SYNJ2BP: variants seen among roughly 807,000 people sequenced by gnomAD.
SYNJ2BP encodes synaptojanin-2-binding protein.
Under a neutral mutation model 16.9 loss-of-function variants are expected in SYNJ2BP, and 10 were observed. The ratio of observed to expected loss-of-function variants is 0.59; its 90% CI spans 0.36 to 1.00. The LOEUF is 1.00. Among genes scored for constraint, SYNJ2BP ranks in the 50% least tolerant of loss-of-function variants. The pLI, the probability that SYNJ2BP is intolerant of heterozygous loss-of-function variation, is 0.01. For synonymous variants in SYNJ2BP, 54 were observed against 68.4 expected (o/e 0.79, Z 1.04); for missense variants, 162 against 186.7 (o/e 0.87, Z 0.77).
At chr14:70,411,774 C>G (rs932012927) in intron 1 of SYNJ2BP, among the ~76,000 whole-genome samples, 1 of 152,224 alleles carries the variant, frequency 6.6e-6, no homozygotes, top group Non-Finnish European at 1.5e-5. Flanking sequence ...AACACAGGGT[C>G]AGATTACCAT....
At chr14:70,384,016 G>A (rs1887806389) in intron 2 of SYNJ2BP, among the ~76,000 whole-genome samples, 1 of 150,918 alleles carries the variant, frequency 6.6e-6, no homozygotes, top group South Asian at 2.1e-4. Flanking sequence ...GGAGTGCAGT[G>A]GCGCGATCTC....
chr14:70,377,257 A>C (rs891935312), intron 2 of SYNJ2BP, among the ~76,000 whole-genome samples: 3 of 152,158 alleles, frequency 2.0e-5, no homozygotes, highest in African/African-American at 7.2e-5. Flanking sequence ...GCACTTGGTA[A>C]ATCATTAGAA....
chr14:70,399,639 CCAGT>C (rs1183895584), intron 1 of SYNJ2BP, among the ~76,000 whole-genome samples: 2 of 152,200 alleles, frequency 1.3e-5, no homozygotes, highest in African/African-American at 4.8e-5. Context: ...CCCGCTGCAG[CCAGT>C]GTGATGGCAC....
intron 2 of SYNJ2BP, among the ~76,000 whole-genome samples, chr14:70,379,281 C>T (rs1887697645): frequency 6.6e-6 from 1 of 152,142 alleles, no homozygotes; most frequent in Non-Finnish European, 1.5e-5. Flanking sequence ...AAAACAAAAA[C>T]AAAACTGGGG....
intron 2 of SYNJ2BP, among the ~76,000 whole-genome samples, chr14:70,386,964 C>T (rs978205771): frequency 3.3e-5 from 5 of 152,214 alleles, no homozygotes; most frequent in African/African-American, 7.2e-5. Flanking sequence ...GTTTTCCCAA[C>T]GTGGCCATCT....
At chr14:70,375,442 C>T (rs999340578) in intron 3 of SYNJ2BP, among the ~76,000 whole-genome samples, 5 of 151,482 alleles carry the variant, frequency 3.3e-5, no homozygotes, top group Admixed American at 6.6e-5. Context: ...TGAAGTGATC[C>T]GCCCACCTTG....
At chr14:70,397,567 G>A (rs1442130462) in intron 1 of SYNJ2BP, among the ~76,000 whole-genome samples, 3 of 152,204 alleles carry the variant, frequency 2.0e-5, no homozygotes, top group Non-Finnish European at 4.4e-5. Context: ...CAAGGCTACA[G>A]CTGGACCAGG....
intron 1 of SYNJ2BP, among the ~76,000 whole-genome samples, chr14:70,390,849 C>T (rs1488938509): frequency 6.6e-6 from 1 of 151,592 alleles, no homozygotes; most frequent in Admixed American, 6.6e-5. Context: ...AAAAGCATAC[C>T]TTAGCCAGGC....
At chr14:70,400,287 A>G (rs1453062878) in intron 1 of SYNJ2BP, among the ~76,000 whole-genome samples, 5 of 152,250 alleles carry the variant, frequency 3.3e-5, no homozygotes, top group African/African-American at 1.2e-4. Context: ...TGTGGATTAC[A>G]ATAACCCAAT....
intron 1 of SYNJ2BP, among the ~76,000 whole-genome samples, chr14:70,413,556 T>C (rs150274032): frequency 2.2e-4 from 33 of 152,350 alleles, no homozygotes; most frequent in African/African-American, 7.0e-4. Context: ...GGTGAATTGC[T>C]TGAACCTGGG....
chr14:70,384,975 CCT>C (rs1887828990), intron 2 of SYNJ2BP, among the ~76,000 whole-genome samples: 2 of 152,234 alleles, frequency 1.3e-5, no homozygotes, highest in Admixed American at 6.5e-5. Context: ...TGGCTTTTCC[CCT>C]CTCTTCTTTG....
Position 70,377,712 on chromosome 14 carries a change from C to T in SYNJ2BP, c.202-1941G>A, listed in dbSNP as rs913599793. Among the ~76,000 whole-genome samples, 7 of 79,960 alleles carry T rather than the reference C, an allele frequency of 8.8e-5. No individual in the cohort carries two copies. In the South Asian group the frequency reaches 2.1e-3, roughly 24 times the overall value. The allele number at this position is 79,960 out of a possible 152,430, so 52.5% of individuals were successfully genotyped here. Reference sequence around the variant, plus strand: ...ATGATCTTGATCATACTTCTTCTAACCTCCTTACAAAACTCACAGACACTC... The same window carrying T: ...ATGATCTTGATCATACTTCTTCTAATCTCCTTACAAAACTCACAGACACTC... On this transcript the variant is annotated intron_variant, in intron 2 of 3. Coordinates refer to ENST00000256366, the MANE Select transcript of SYNJ2BP (RefSeq NM_018373.3).
Position 70,368,397 on chromosome 14 carries a change from T to C in SYNJ2BP, c.*4594A>G, listed in dbSNP as rs1313966950. The C allele has an allele frequency of 6.6e-6, 1 of 152,244 alleles. No individual in the cohort carries two copies. Among genetic ancestry groups the C allele is most frequent in the Admixed American group, 6.5e-5 (1 of 15,288 alleles). 9.4% of individuals were successfully genotyped at this position (152,244 alleles called of 1,614,324 possible). A position where few individuals can be genotyped will look rare whatever the true frequency, so the allele number is the denominator to read the frequency against. On this transcript the variant is annotated 3_prime_UTR_variant, in exon 4 of 4. Coordinates refer to ENST00000256366, the MANE Select transcript of SYNJ2BP (RefSeq NM_018373.3). ...AGTGAATATATTCAAGACATAAATA[T>C]GAGACAGAAAGGTCACTTCTGCAAC...
At position 70,386,457 on chromosome 14, in the gene SYNJ2BP, C is replaced by T. The variant is rs886212970; in HGVS notation, c.201+2013G>A. 1.5e-4 allele frequency among the ~76,000 whole-genome samples: 23 copies of T among 152,228 alleles called. 1 individual carries two copies. The East Asian group carries it at 4.1e-3, about 27-fold the overall frequency. Reference sequence around the variant, plus strand: ...ATACTATATTTATATTATGGATCAGCGAGGACACATGCTTAGACATTCTTG... The same window carrying T: ...ATACTATATTTATATTATGGATCAGTGAGGACACATGCTTAGACATTCTTG... On this transcript the variant is annotated intron_variant, in intron 2 of 3. Transcript: ENST00000256366.
intron 1 of SYNJ2BP, 116 bp from the exon 2 acceptor site, chr14:70,388,722 G>C: frequency 7.5e-7 from 1 of 1,329,148 alleles, no homozygotes; most frequent in East Asian, 2.9e-5. Flanking sequence ...ATGGAGAGGA[G>C]ATGCTGGCGA....
chr14:70,410,847 G>A (rs536640033), intron 1 of SYNJ2BP, among the ~76,000 whole-genome samples: 64 of 152,202 alleles, frequency 4.2e-4, no homozygotes, highest in Admixed American at 2.2e-3. Flanking sequence ...AACAGACACT[G>A]GGGCCTACTT....
At chr14:70,381,935 T>G (rs1887758522) in intron 2 of SYNJ2BP, among the ~76,000 whole-genome samples, 1 of 152,166 alleles carries the variant, frequency 6.6e-6, no homozygotes, top group Admixed American at 6.5e-5. Flanking sequence ...ATCAATCCAG[T>G]GGGTCAAGAC....
At chr14:70,388,363 C>T in intron 2 of SYNJ2BP, 107 bp downstream of exon 2, 1 of 1,365,356 alleles carries the variant, frequency 7.3e-7, no homozygotes, top group Non-Finnish European at 9.5e-7. Flanking sequence ...ACTCTACAAC[C>T]TGTATATTTC....
intron 1 of SYNJ2BP, among the ~76,000 whole-genome samples, chr14:70,413,596 G>C (rs1378363564): frequency 6.6e-6 from 1 of 152,208 alleles, no homozygotes; most frequent in East Asian, 1.9e-4. Flanking sequence ...ACAAGATCGT[G>C]CCACTGCACT....
Sources: gnomAD v4.1 joint callset for allele counts (sites outside exome capture counted in the v4.1 genomes callset) on GRCh38, gnomAD v4.1.1 for gene constraint, MANE v1.5 for transcripts, NCBI Gene and HGNC (gene_info 2026-07-23, HGNC 2026-07-21) for gene names.